JARID2: variants seen among roughly 807,000 people sequenced by gnomAD.
JARID2 encodes jumonji and AT-rich interaction domain containing 2.
Under a neutral mutation model 125.6 loss-of-function variants are expected in JARID2, and 21 were observed. That is an observed-to-expected ratio of 0.17 (90% confidence interval 0.12 to 0.24). JARID2 has a LOEUF of 0.24. Among genes scored for constraint, JARID2 ranks in the 10% least tolerant of loss-of-function variants. The pLI is 1.00. For missense variants in JARID2, 1,303 were observed against 1,639.6 expected, an observed-to-expected ratio of 0.79 and a Z score of 3.55; for synonymous variants, 736 against 661.6, an observed-to-expected ratio of 1.11 and a Z score of -1.73.
At chr6:15,270,436 C>G (rs1250499727) in intron 1 of JARID2, among the ~76,000 whole-genome samples, 1 of 152,156 alleles carries the variant, frequency 6.6e-6, no homozygotes, top group Non-Finnish European at 1.5e-5. Context: ...CTGGCCTGCT[C>G]AGGGTTTTTC....
chr6:15,497,507 G>A (rs1219538055), intron 7 of JARID2, among the ~76,000 whole-genome samples: 3 of 152,058 alleles, frequency 2.0e-5, no homozygotes, highest in East Asian at 1.9e-4. Flanking sequence ...AAAATTAGCC[G>A]GGCGTGGTGG....
chr6:15,482,297 A>G (rs976886192), intron 5 of JARID2, among the ~76,000 whole-genome samples: 1 of 152,082 alleles, frequency 6.6e-6, no homozygotes. Flanking sequence ...TGAATTCCAG[A>G]CCCCTTTCTA....
At chr6:15,417,784 A>G (rs982066064) in intron 3 of JARID2, among the ~76,000 whole-genome samples, 5 of 152,218 alleles carry the variant, frequency 3.3e-5, no homozygotes, top group African/African-American at 9.6e-5. Context: ...AAAAATTCTC[A>G]TGTATAAATG....
intron 1 of JARID2, among the ~76,000 whole-genome samples, chr6:15,284,998 T>A (rs573875768): frequency 1.3e-5 from 2 of 152,210 alleles, no homozygotes; most frequent in East Asian, 1.9e-4. Context: ...TCATCTGTTG[T>A]ACATATTTAG....
In JARID2 at chr6:15,517,196, G is replaced by A; in HGVS notation, c.3486G>A (p.Leu1162=). ...VQENENVVFC[L]ECALRHVEKQ... The stretch of plus-strand genomic sequence containing the variant: ...AGAACGAAAACGTCGTGTTCTGTCT[G>A]GAGTGTGCTCTGCGCCACGTGGAGA... The change falls in exon 17 of 18, where the codon CTG becomes CTA. Residue 1162 remains leucine (L), a synonymous_variant. Coordinates refer to ENST00000341776, the MANE Select transcript of JARID2 (RefSeq NM_004973.4). 6.2e-7 allele frequency: 1 copy of A among 1,614,080 alleles called. No homozygotes were observed.
At chr6:15,367,314 G>A (rs956016706) in intron 1 of JARID2, among the ~76,000 whole-genome samples, 1 of 152,184 alleles carries the variant, frequency 6.6e-6, no homozygotes, top group Admixed American at 6.5e-5. Context: ...AAGATGGCCT[G>A]AATTTGAAAC....
chr6:15,379,168 A>ATTTTTTT (rs201864235), intron 2 of JARID2, among the ~76,000 whole-genome samples: 1 of 147,020 alleles, frequency 6.8e-6, no homozygotes, highest in Non-Finnish European at 1.5e-5. Context: ...CAAGGAATGA[A>ATTTTTTT]TTTTTTTTTT....
At chr6:15,372,357 G>A (rs1249673013) in intron 1 of JARID2, among the ~76,000 whole-genome samples, 5 of 152,066 alleles carry the variant, frequency 3.3e-5, no homozygotes, top group Admixed American at 1.3e-4. Context: ...GGATATTAAT[G>A]TTATTATTAT....
At chr6:15,261,421 G>T (rs912191945) in intron 1 of JARID2, among the ~76,000 whole-genome samples, 32 of 150,508 alleles carry the variant, frequency 2.1e-4, no homozygotes, top group Non-Finnish European at 4.1e-4. Flanking sequence ...AGGTTCAAGC[G>T]CTTCTCTTGC....
At chr6:15,392,255 C>T (rs528718891) in intron 2 of JARID2, among the ~76,000 whole-genome samples, 2 of 152,188 alleles carry the variant, frequency 1.3e-5, no homozygotes, top group Admixed American at 1.3e-4. Context: ...ACGAAGTTTT[C>T]CTTACAGTTT....
At chr6:15,338,897 G>A (rs1762972306) in intron 1 of JARID2, among the ~76,000 whole-genome samples, 1 of 152,156 alleles carries the variant, frequency 6.6e-6, no homozygotes, top group African/African-American at 2.4e-5. Flanking sequence ...ATATATAGAG[G>A]CTTTTCAGAA....
chr6:15,374,294 C>T (rs1476390812), intron 2 of JARID2, 42 bp downstream of exon 2: 2 of 1,602,420 alleles, frequency 1.2e-6, no homozygotes, highest in South Asian at 1.1e-5. Context: ...TGTACAATAT[C>T]TCTGGGCGTG....
intron 1 of JARID2, among the ~76,000 whole-genome samples, chr6:15,279,045 C>T (rs1456641779): frequency 2.0e-5 from 3 of 151,274 alleles, no homozygotes; most frequent in South Asian, 2.1e-4. Context: ...GAGCCAAGAT[C>T]GCACCACTGC....
intron 1 of JARID2, chr6:15,248,965 G>T: frequency 1.0e-6 from 1 of 985,626 alleles, no homozygotes. Flanking sequence ...TTCCCACCAG[G>T]TGAGGGCCGG....
chr6:15,289,918 G>T, intron 1 of JARID2, among the ~76,000 whole-genome samples: 1 of 152,184 alleles, frequency 6.6e-6, no homozygotes, highest in East Asian at 1.9e-4. Context: ...CAAAATTGTG[G>T]AATGTACAAG....
At chr6:15,324,716 A>G (rs1762479119) in intron 1 of JARID2, among the ~76,000 whole-genome samples, 1 of 150,124 alleles carries the variant, frequency 6.7e-6, no homozygotes, top group Admixed American at 6.6e-5. Flanking sequence ...CAAACTCCTG[A>G]GTTCAAGTGT....
At chr6:15,446,772 G>A (rs1226675340) in intron 3 of JARID2, among the ~76,000 whole-genome samples, 2 of 152,232 alleles carry the variant, frequency 1.3e-5, no homozygotes, top group Non-Finnish European at 2.9e-5. Context: ...GGACCATGGA[G>A]CTCCTTGGCC....
At chr6:15,500,195 G>A (rs764453434) in intron 7 of JARID2, among the ~76,000 whole-genome samples, 4 of 152,180 alleles carry the variant, frequency 2.6e-5, no homozygotes, top group African/African-American at 9.7e-5. Context: ...GCGCTGCTCT[G>A]TGGCCTGATC....
intron 2 of JARID2, among the ~76,000 whole-genome samples, chr6:15,393,606 A>G (rs977584981): frequency 2.0e-5 from 3 of 152,254 alleles, no homozygotes; most frequent in Non-Finnish European, 4.4e-5. Context: ...AGAGAATACC[A>G]TAAATGATGT....
Sources: gnomAD v4.1 joint callset for allele counts (sites outside exome capture counted in the v4.1 genomes callset) on GRCh38, gnomAD v4.1.1 for gene constraint, MANE v1.5 for transcripts, NCBI Gene and HGNC (gene_info 2026-07-23, HGNC 2026-07-21) for gene names.